Variants in RBFA observed in about 807,000 individuals in gnomAD.
The protein encoded by RBFA is ribosome binding factor A.
A neutral mutation model predicts 27.9 loss-of-function variants in RBFA; 16 were observed. The ratio of observed to expected loss-of-function variants is 0.57; its 90% CI spans 0.39 to 0.87. The LOEUF (loss-of-function observed/expected upper bound fraction) is 0.87, where lower values mean the gene tolerates loss of function less well. Ranked by LOEUF, RBFA falls within the 40% of genes least tolerant of loss-of-function variation. The pLI, the probability that RBFA is intolerant of heterozygous loss-of-function variation, is 0.00. For missense variants in RBFA, 456 were observed against 432.1 expected (o/e 1.06, Z -0.49); for synonymous variants, 181 against 181.0 (o/e 1.00, Z 0.00).
chr18:80,037,551 C>T (rs1568387311), intron 3 of RBFA, 45 bp downstream of exon 3: 1 of 1,533,580 alleles, frequency 6.5e-7, no homozygotes, highest in Non-Finnish European at 8.9e-7. Context: ...AGACAGCAGG[C>T]CTGGCACTTA....
rs764838547 is a variant in RBFA at position 80,034,448 on chromosome 18, G to T, written c.-48G>T. 40 of 1,428,184 alleles carry T rather than the reference G, an allele frequency of 2.8e-5. No homozygotes were observed. Among genetic ancestry groups the T allele is most frequent in the Non-Finnish European group, 3.5e-5 (38 of 1,097,166 alleles). 88.5% of individuals were successfully genotyped at this position (1,428,184 alleles called of 1,614,324 possible). On this transcript the variant is annotated 5_prime_UTR_variant, in exon 1 of 7. Transcript: ENST00000306735. ...ACCCTCGCGTCAGTTGTCGCTCCGC[G>T]CCTGCGCCCGTTGTCTCCCTGCTCG...
rs768215612 is a variant in RBFA, at chr18:80,034,543, G to A, written c.48G>A (p.Arg16=). ...TGTGGCGCTCCCGCGCGGGTCTCCG[G>A]GCCCTGTTCCGTAGCCGCGATGCTG... ...GGLWRSRAGL[R]ALFRSRDAAL... The change falls in exon 1 of 7, where the codon CGG becomes CGA. Residue 16 remains arginine, a synonymous_variant. Coordinates refer to ENST00000306735, the MANE Select transcript of RBFA (RefSeq NM_024805.3). 3.1e-6 allele frequency: 5 copies of A among 1,604,496 alleles called. No homozygotes were observed. The highest frequency in any genetic ancestry group is 1.4e-5 in the African/African-American group (1 of 73,956).
Position 80,045,819 on chromosome 18 carries a change from AAGCTCC to A in RBFA, c.699_704del (p.Ser234_Ser235del). 6.5e-7 allele frequency: 1 copy of A among 1,527,248 alleles called. No individual in the cohort carries two copies. The highest frequency in any genetic ancestry group is 8.8e-7 in the Non-Finnish European group (1 of 1,138,130). The allele number at this position is 1,527,248 out of a possible 1,614,324, so 94.6% of individuals were successfully genotyped here. A position where few individuals can be genotyped will look rare whatever the true frequency, so the allele number is the denominator to read the frequency against. ...CCTGCGGCACCACAGAGCCGACCAC[AAGCTCC>A]AGTCTGTGTGGGATCGATCATGAGG... On this transcript the variant is annotated inframe_deletion, in exon 7 of 7. Transcript: ENST00000306735.
At chr18:80,040,716 A>G (rs572827616) in intron 4 of RBFA, among the ~76,000 whole-genome samples, 5 of 152,254 alleles carry the variant, frequency 3.3e-5, no homozygotes, top group South Asian at 2.1e-4. Flanking sequence ...AAAAATGTCT[A>G]TGTAAGCATT....
In RBFA at chr18:80,034,551, T is replaced by C. The variant is rs2051960832; in HGVS notation, c.56T>C (p.Phe19Ser). 2 of 1,608,460 alleles carry C rather than the reference T, an allele frequency of 1.2e-6. No individual in the cohort carries two copies. Among genetic ancestry groups the C allele is most frequent in the East Asian group, 4.5e-5 (2 of 44,080 alleles). Residue 19 changes from phenylalanine (F) to serine (S), a missense_variant, in exon 1 of 7, where the codon TTC becomes TCC. Phe to Ser is a radical substitution (Grantham distance 155). Transcript: ENST00000306735. The part of the protein sequence containing the change: ...WRSRAGLRAL[F>S]RSRDAALFPG... ...TCCCGCGCGGGTCTCCGGGCCCTGT[T>C]CCGTAGCCGCGATGCTGCGCTATTT...
intron 5 of RBFA, among the ~76,000 whole-genome samples, chr18:80,042,860 G>C (rs964299435): frequency 2.1e-4 from 32 of 151,828 alleles, no homozygotes; most frequent in African/African-American, 7.3e-4. Flanking sequence ...TTTCTCCTGT[G>C]CCCCTGTTCC....
chr18:80,046,082 CAGA>C lies in RBFA; in HGVS notation c.960_962del (p.Glu322del). ...GAGTACGAATGCTATGCCCCGGACACAGAGGAGTTGGAGGCAGAGAGAGGAGGT... is the reference window on the plus strand; with the variant it reads ...GAGTACGAATGCTATGCCCCGGACACGGAGTTGGAGGCAGAGAGAGGAGGT... On this transcript the variant is annotated inframe_deletion, in exon 7 of 7. Transcript: ENST00000306735. 6.2e-7 allele frequency: 1 copy of C among 1,614,110 alleles called. No homozygotes were observed. The highest frequency in any genetic ancestry group is 8.5e-7 in the Non-Finnish European group (1 of 1,180,032).
intron 1 of RBFA, 25 bp from the exon 2 acceptor site, chr18:80,036,643 C>A: frequency 6.3e-7 from 1 of 1,599,380 alleles, no homozygotes; most frequent in Non-Finnish European, 8.6e-7. Flanking sequence ...CCATCACTAA[C>A]ATAATGCTTA....
In RBFA at chr18:80,046,340, CTG is replaced by C; in HGVS notation, c.*191_*192del. On this transcript the variant is annotated 3_prime_UTR_variant, in exon 7 of 7. Coordinates refer to ENST00000306735, the MANE Select transcript of RBFA (RefSeq NM_024805.3). The stretch of plus-strand genomic sequence containing the variant: ...AAGTCACTGTTTTTTTTTCCATGCA[CTG>C]TGTGTAATTTAAAAATTAAATGGCC... 7.7e-6 allele frequency: 5 copies of C among 647,986 alleles called. No homozygotes were observed. In the South Asian group the frequency reaches 8.5e-5, roughly 11 times the overall value. The allele number at this position is 647,986 out of a possible 1,614,324, so 40.1% of individuals were successfully genotyped here. A position where few individuals can be genotyped will look rare whatever the true frequency, so the allele number is the denominator to read the frequency against.
intron 6 of RBFA, among the ~76,000 whole-genome samples, chr18:80,044,957 T>G (rs1182829592): frequency 6.6e-6 from 1 of 152,166 alleles, no homozygotes; most frequent in African/African-American, 2.4e-5. Flanking sequence ...GAAGCAAAGC[T>G]CCACGCTGTA....
At chr18:80,040,728 A>G (rs540244460) in intron 4 of RBFA, among the ~76,000 whole-genome samples, 2 of 152,332 alleles carry the variant, frequency 1.3e-5, no homozygotes, top group East Asian at 3.9e-4. Context: ...GTAAGCATTT[A>G]GTGGGTTTTT....
chr18:80,042,967 G>T (rs2052026513), intron 5 of RBFA, among the ~76,000 whole-genome samples: 1 of 152,088 alleles, frequency 6.6e-6, no homozygotes, highest in Non-Finnish European at 1.5e-5. Context: ...CACGGCCAGA[G>T]TTGCCCTCCC....
chr18:80,038,442 A>C (rs571299445), intron 3 of RBFA, 63 bp from the exon 4 acceptor site: 2 of 1,130,718 alleles, frequency 1.8e-6, no homozygotes, highest in African/African-American at 1.6e-5. Context: ...CATCTCCTGG[A>C]TGTTGTTTGT....
chr18:80,037,244 C>T, intron 2 of RBFA, 86 bp from the exon 3 acceptor site: 1 of 1,163,716 alleles, frequency 8.6e-7, no homozygotes, highest in Non-Finnish European at 1.2e-6. Flanking sequence ...GTTGCCCATC[C>T]AGCCCTCCCC....
At chr18:80,043,477 G>A (rs1033739466) in intron 5 of RBFA, among the ~76,000 whole-genome samples, 1 of 152,240 alleles carries the variant, frequency 6.6e-6, no homozygotes, top group Non-Finnish European at 1.5e-5. Context: ...TGCTGTGAGG[G>A]CATGAGCAAG....
chr18:80,044,075 G>A, intron 5 of RBFA, 137 bp from the exon 6 acceptor site: 1 of 758,422 alleles, frequency 1.3e-6, no homozygotes. Context: ...TAGTATTTGG[G>A]AAGAGTCGGT....
intron 1 of RBFA, chr18:80,034,868 G>A (rs1470595660): frequency 3.8e-6 from 2 of 521,884 alleles, no homozygotes; most frequent in East Asian, 3.6e-5. Context: ...AAGTGACAAT[G>A]TGTGTTTATT....
chr18:80,047,422 T>G lies in RBFA; in HGVS notation c.*1267T>G, dbSNP rs1185067456. On this transcript the variant is annotated 3_prime_UTR_variant, in exon 7 of 7. Coordinates refer to ENST00000306735, the MANE Select transcript of RBFA (RefSeq NM_024805.3). ...CCCAGAAAGCTGCATGTGCACTGTG[T>G]GGGGTAAGGACAGTAGGAGATGCTG... 1 of 152,412 alleles carries G rather than the reference T, an allele frequency of 6.6e-6. No individual in the cohort carries two copies. Among genetic ancestry groups the G allele is most frequent in the African/African-American group, 2.4e-5 (1 of 41,458 alleles). 9.4% of individuals were successfully genotyped at this position (152,412 alleles called of 1,614,324 possible). A position where few individuals can be genotyped will look rare whatever the true frequency, so the allele number is the denominator to read the frequency against.
rs1345132500 is a variant in RBFA at position 80,045,885 on chromosome 18, G to A, written c.762G>A (p.Arg254=). Residue 254 remains arginine (R), a synonymous_variant, in exon 7 of 7, where the codon AGG becomes AGA. Transcript: ENST00000306735. The part of the protein sequence containing the change: ...LNKQIMEYKR[R]KDKGLGGLVW... ...AGCAGATTATGGAGTACAAAAGGAG[G>A]AAAGATAAAGGGCTCGGGGGCCTGG... 1.2e-5 allele frequency: 20 copies of A among 1,609,424 alleles called. No homozygotes were observed. The highest frequency in any genetic ancestry group is 1.6e-5 in the Non-Finnish European group (19 of 1,177,888).
Sources: allele counts gnomAD v4.1 joint callset (sites outside exome capture counted in the v4.1 genomes callset), GRCh38; gene constraint gnomAD v4.1.1; transcripts MANE v1.5; gene names NCBI Gene and HGNC (gene_info 2026-07-23, HGNC 2026-07-21).